Variants in HEATR4 observed in about 807,000 individuals in gnomAD.
HEATR4 encodes the protein HEAT repeat-containing protein 4.
In HEATR4, 95 loss-of-function variants were observed where a neutral mutation model predicts 108.8. The ratio of observed to expected loss-of-function variants is 0.87; its 90% CI spans 0.74 to 1.04. HEATR4 has a LOEUF of 1.04. Among genes scored for constraint, HEATR4 ranks in the 50% least tolerant of loss-of-function variants. HEATR4 has a pLI of 0.00. For synonymous variants in HEATR4, 443 were observed against 459.4 expected (o/e 0.96, Z 0.46); for missense variants, 1,152 against 1,253.8 (o/e 0.92, Z 1.23).
rs368808680 is a variant in HEATR4, at chr14:73,497,652, G to GT, written c.2546+502dup. On this transcript the variant is annotated intron_variant, in intron 14 of 17. Transcript: ENST00000553558. ...CCATCCTTTTTTTTTTTGAGACGGA[G>GT]TTTTGCTCTTGTTGCCCAGGCTGGA... Among the ~76,000 whole-genome samples, 376 of 151,628 alleles carry GT rather than the reference G, an allele frequency of 2.5e-3. 4 individuals are homozygous for GT. Among genetic ancestry groups the GT allele is most frequent in the African/African-American group, 8.7e-3 (358 of 41,380 alleles).
At chr14:73,593,855 C>A in the HEATR4 span, 1 of 1,613,846 alleles carries the variant, frequency 6.2e-7, no homozygotes, top group Non-Finnish European at 8.5e-7. Context: ...GACAACATAT[C>A]CCTGGAGTAC....
chr14:73,505,820 G>A (rs901931147), intron 10 of HEATR4, among the ~76,000 whole-genome samples: 3 of 151,994 alleles, frequency 2.0e-5, no homozygotes, highest in Non-Finnish European at 2.9e-5. Flanking sequence ...AATTTTGGCG[G>A]GGGGGAAATA....
chr14:73,592,050 C>T, the HEATR4 span: 1 of 1,470,208 alleles, frequency 6.8e-7, no homozygotes, highest in Non-Finnish European at 9.0e-7. Flanking sequence ...CCCGGAGCAG[C>T]GGGTTACGCT....
At chr14:73,630,413 G>A in the HEATR4 span, among the ~76,000 whole-genome samples, 14 of 152,308 alleles carry the variant, frequency 9.2e-5, no homozygotes, top group South Asian at 2.1e-4. Flanking sequence ...TTCTCGCAAC[G>A]TATTTTCCTA....
chr14:73,631,381 CT>C, the HEATR4 span: 1 of 152,210 alleles, frequency 6.6e-6, no homozygotes, highest in Non-Finnish European at 1.5e-5. Flanking sequence ...AACTCCTGGG[CT>C]CAAGTGGTCC....
At chr14:73,619,803 C>G in the HEATR4 span, 1 of 1,608,756 alleles carries the variant, frequency 6.2e-7, no homozygotes. Context: ...ATAAACATCT[C>G]AATGGTAAAA....
chr14:73,574,842 C>T, the HEATR4 span: 1 of 1,609,870 alleles, frequency 6.2e-7, no homozygotes, highest in Non-Finnish European at 8.5e-7. Context: ...CCAGGGTGGA[C>T]ACAACTCACC....
chr14:73,535,469 CTTTTTTTTTTTTTTTTTTTTTTTTTTTT>C (rs869167008), intron 1 of HEATR4, among the ~76,000 whole-genome samples: 3 of 16,538 alleles, frequency 1.8e-4, no homozygotes, highest in Non-Finnish European at 2.8e-4. Context: ...TTTCTTCTTT[CTTTTTTTTTTTTTTTTTTTTTTTTTTTT>C]TTTTTTTTTT....
At chr14:73,501,799 G>C (rs914525064) in intron 11 of HEATR4, among the ~76,000 whole-genome samples, 1 of 151,518 alleles carries the variant, frequency 6.6e-6, no homozygotes, top group Admixed American at 6.6e-5. Context: ...TGTCGCCCAG[G>C]CTGGAGTACA....
the HEATR4 span, chr14:73,593,773 C>T: frequency 1.2e-5 from 19 of 1,613,874 alleles, no homozygotes; most frequent in Admixed American, 1.7e-5. Flanking sequence ...TCGAGCCAGC[C>T]TCCTTGCTGG....
the HEATR4 span, chr14:73,616,852 C>T: frequency 1.7e-6 from 1 of 574,410 alleles, no homozygotes; most frequent in Middle Eastern, 4.6e-4. Context: ...TCTATATTAT[C>T]ATTATTGTTT....
chr14:73,502,743 T>G, intron 11 of HEATR4, 152 bp downstream of exon 11: 1 of 659,974 alleles, frequency 1.5e-6, no homozygotes, highest in Non-Finnish European at 2.7e-6. Flanking sequence ...AAGACAGGGT[T>G]TTACTGTGTT....
the HEATR4 span, chr14:73,595,458 G>A: frequency 1.5e-5 from 25 of 1,614,060 alleles, no homozygotes; most frequent in Non-Finnish European, 2.1e-5. Flanking sequence ...TGTTACCCTG[G>A]GACTGGGCAT....
the HEATR4 span, among the ~76,000 whole-genome samples, chr14:73,597,118 C>G: frequency 2.0e-5 from 3 of 150,526 alleles, no homozygotes; most frequent in South Asian, 6.2e-4. Context: ...GAGTCTGGCT[C>G]TGTCACCCAG....
intron 17 of HEATR4, chr14:73,491,050 G>C (rs1224291218): frequency 2.5e-6 from 4 of 1,589,348 alleles, no homozygotes; most frequent in Non-Finnish European, 3.4e-6. Context: ...CAGGGCCGTT[G>C]AGGCGCGGGC....
At chr14:73,491,802 TGGACGCCGCTCGCTACATCAAC>T in intron 17 of HEATR4, 1 of 1,597,142 alleles carries the variant, frequency 6.3e-7, no homozygotes, top group African/African-American at 1.3e-5. Flanking sequence ...GGCCAGCATT[TGGACGCCGCTCGCTACATCAAC>T]GGACGACGCG....
At chr14:73,500,325 A>G (rs1453683386) in intron 12 of HEATR4, among the ~76,000 whole-genome samples, 2 of 148,384 alleles carry the variant, frequency 1.3e-5, no homozygotes, top group Non-Finnish European at 3.0e-5. Flanking sequence ...GTGTTAGTGT[A>G]CTTTATATGT....
At chr14:73,595,016 T>C in the HEATR4 span, 9 of 1,607,890 alleles carry the variant, frequency 5.6e-6, no homozygotes, top group Admixed American at 1.5e-4. Context: ...GGATAAGTTA[T>C]TGACTCAACT....
chr14:73,584,746 A>AT, the HEATR4 span, among the ~76,000 whole-genome samples: 1 of 145,160 alleles, frequency 6.9e-6, no homozygotes, highest in East Asian at 2.0e-4. Flanking sequence ...CCTAATCCTC[A>AT]TTTGCCTTCT....
Sources: allele counts gnomAD v4.1 joint callset (sites outside exome capture counted in the v4.1 genomes callset), GRCh38; gene constraint gnomAD v4.1.1; transcripts MANE v1.5; gene names NCBI Gene and HGNC (gene_info 2026-07-23, HGNC 2026-07-21).